The following B3GALT1 variants were observed in gnomAD, a reference collection of about 807,000 sequenced individuals.
B3GALT1 encodes the protein UDP-Gal:betaGlcNAc beta 1,3-galactosyltransferase, polypeptide 1.
A neutral mutation model predicts 23.2 loss-of-function variants in B3GALT1; 10 were observed. That is an observed-to-expected ratio of 0.43 (90% CI 0.27 to 0.73). The LOEUF (loss-of-function observed/expected upper bound fraction) is 0.73. B3GALT1 is among the 30% of genes least tolerant of loss of function. B3GALT1 has a pLI of 0.21. For missense variants in B3GALT1, 299 were observed against 405.4 expected, an observed-to-expected ratio of 0.74 and a Z score of 2.25; for synonymous variants, 156 against 141.5, an observed-to-expected ratio of 1.10 and a Z score of -0.73.
At chr2:167,496,730 G>T (rs1699789050) in intron 2 of B3GALT1, among the ~76,000 whole-genome samples, 1 of 152,102 alleles carries the variant, frequency 6.6e-6, no homozygotes, top group Non-Finnish European at 1.5e-5. Context: ...CCTTTGGGAG[G>T]TAATGAAGTC....
At chr2:167,323,914 A>C (rs1696851590) in intron 1 of B3GALT1, among the ~76,000 whole-genome samples, 1 of 151,976 alleles carries the variant, frequency 6.6e-6, no homozygotes, top group Non-Finnish European at 1.5e-5. Context: ...CTCCAAAGTT[A>C]TGCTTTTTGA....
chr2:167,625,986 T>TATATA (rs1685335725), intron 2 of B3GALT1, among the ~76,000 whole-genome samples: 2 of 135,060 alleles, frequency 1.5e-5, no homozygotes, highest in African/African-American at 5.8e-5. Flanking sequence ...TATATATATA[T>TATATA]GACCTAAGCC....
At chr2:167,380,038 G>T (rs1697824611) in intron 1 of B3GALT1, among the ~76,000 whole-genome samples, 1 of 152,148 alleles carries the variant, frequency 6.6e-6, no homozygotes, top group Non-Finnish European at 1.5e-5. Flanking sequence ...TCTGCCTGGG[G>T]GTAAAGTAAA....
In B3GALT1 at chr2:167,350,292, GC is replaced by G. The variant is rs1697289905; in HGVS notation, c.-511+56960del. Among the ~76,000 whole-genome samples the G allele has an allele frequency of 4.6e-5, 7 of 152,282 alleles. 1 individual carries two copies. In the South Asian group the frequency reaches 1.4e-3, roughly 32 times the overall value. ...AGATGAAGATAATAGCACATAGCCT[GC>G]CTACCCTGTGTGTTACTGAGAGGAT... On this transcript the variant is annotated intron_variant, in intron 1 of 4. Transcript: ENST00000392690.
intron 3 of B3GALT1, among the ~76,000 whole-genome samples, chr2:167,705,523 G>A (rs1257197958): frequency 6.6e-5 from 10 of 152,084 alleles, no homozygotes; most frequent in Admixed American, 6.5e-4. Flanking sequence ...ATGAAAACAA[G>A]ATAATTGGCA....
intron 3 of B3GALT1, among the ~76,000 whole-genome samples, chr2:167,705,296 A>G (rs1157360060): frequency 2.6e-5 from 4 of 152,206 alleles, no homozygotes; most frequent in Non-Finnish European, 5.9e-5. Context: ...ATTATAGCAG[A>G]CCCAAAAGAA....
intron 2 of B3GALT1, among the ~76,000 whole-genome samples, chr2:167,589,004 A>G (rs1409801948): frequency 6.6e-6 from 1 of 151,118 alleles, no homozygotes; most frequent in East Asian, 2.0e-4. Context: ...GTGCAGTGGC[A>G]CAATCACAGT....
intron 1 of B3GALT1, among the ~76,000 whole-genome samples, chr2:167,300,569 T>G (rs956309496): frequency 6.6e-6 from 1 of 152,170 alleles, no homozygotes; most frequent in Admixed American, 6.6e-5. Flanking sequence ...ATGATTAACA[T>G]GCAGACAAAC....
At chr2:167,653,156 C>T (rs1441342977) in intron 3 of B3GALT1, among the ~76,000 whole-genome samples, 1 of 151,294 alleles carries the variant, frequency 6.6e-6, no homozygotes, top group East Asian at 1.9e-4. Context: ...GACTCTTCTT[C>T]TGTGCTTCAA....
chr2:167,714,618 G>A, intron 3 of B3GALT1: 1 of 1,613,776 alleles, frequency 6.2e-7, no homozygotes. Flanking sequence ...TGTTTGTTGT[G>A]AGCATTTTCT....
chr2:167,411,567 C>G (rs1388918234), intron 1 of B3GALT1, among the ~76,000 whole-genome samples: 2 of 152,144 alleles, frequency 1.3e-5, no homozygotes, highest in Admixed American at 6.5e-5. Context: ...CAGGCAATGA[C>G]ATCTGCTGGT....
At chr2:167,863,992 G>GTGTA (rs1559007152) in intron 4 of B3GALT1, among the ~76,000 whole-genome samples, 1 of 73,332 alleles carries the variant, frequency 1.4e-5, no homozygotes, top group African/African-American at 7.6e-5. Flanking sequence ...ATGTATGTAT[G>GTGTA]TGTGTGTGTG....
chr2:167,698,615 T>C (rs182467289), intron 3 of B3GALT1, among the ~76,000 whole-genome samples: 2 of 152,288 alleles, frequency 1.3e-5, no homozygotes, highest in East Asian at 3.9e-4. Flanking sequence ...GCAAAGAAAA[T>C]GAGATAGACT....
At chr2:167,743,604 C>A (rs1687609133) in intron 3 of B3GALT1, among the ~76,000 whole-genome samples, 1 of 151,842 alleles carries the variant, frequency 6.6e-6, no homozygotes, top group South Asian at 2.1e-4. Flanking sequence ...TATTTTAAAT[C>A]GGTTTTGGTA....
intron 3 of B3GALT1, among the ~76,000 whole-genome samples, chr2:167,647,215 C>T (rs912093691): frequency 1.3e-5 from 2 of 152,180 alleles, no homozygotes; most frequent in African/African-American, 4.8e-5. Flanking sequence ...CTAGTAGGGA[C>T]CCCAGATGCA....
At chr2:167,691,269 T>C (rs1686706249) in intron 3 of B3GALT1, among the ~76,000 whole-genome samples, 1 of 152,128 alleles carries the variant, frequency 6.6e-6, no homozygotes. Context: ...GTGTATTTAA[T>C]TTAAACTGGC....
chr2:167,843,290 A>G (rs1042891837), intron 4 of B3GALT1, among the ~76,000 whole-genome samples: 13 of 152,222 alleles, frequency 8.5e-5, no homozygotes, highest in Non-Finnish European at 1.5e-4. Context: ...CAGTTCAGGA[A>G]AGTAAGATGA....
chr2:167,646,713 AAAAACTG>A (rs1352999647), intron 2 of B3GALT1, among the ~76,000 whole-genome samples, 189 bp from the exon 3 acceptor site: 2 of 152,188 alleles, frequency 1.3e-5, no homozygotes, highest in Non-Finnish European at 2.9e-5. Context: ...AAAAAGAAAT[AAAAACTG>A]ACAAGAAGAG....
At chr2:167,798,003 C>T (rs1688571755) in intron 3 of B3GALT1, among the ~76,000 whole-genome samples, 1 of 152,084 alleles carries the variant, frequency 6.6e-6, no homozygotes, top group South Asian at 2.1e-4. Context: ...CATGCCCGGC[C>T]CCTCATTGTG....
Sources: allele counts gnomAD v4.1 joint callset (sites outside exome capture counted in the v4.1 genomes callset), GRCh38; gene constraint gnomAD v4.1.1; transcripts MANE v1.5; gene names NCBI Gene and HGNC (gene_info 2026-07-23, HGNC 2026-07-21).